TRIM66: variants seen among roughly 807,000 people sequenced by gnomAD.
The protein encoded by TRIM66 is tripartite motif-containing protein 66.
A neutral mutation model predicts 148.2 loss-of-function variants in TRIM66; 99 were observed. That is an observed-to-expected ratio of 0.67 (90% CI 0.57 to 0.79). The LOEUF (loss-of-function observed/expected upper bound fraction) is 0.79, where lower values mean the gene tolerates loss of function less well. TRIM66 is among the 30% of genes least tolerant of loss of function. TRIM66 has a pLI of 0.00. For missense variants in TRIM66, 1,666 were observed against 1,697.9 expected (o/e 0.98, Z 0.33); for synonymous variants, 616 against 635.9 (o/e 0.97, Z 0.47).
At chr11:8,675,290 C>T (rs1451336150) in intron 3 of TRIM66, among the ~76,000 whole-genome samples, 4 of 152,212 alleles carry the variant, frequency 2.6e-5, no homozygotes, top group African/African-American at 4.8e-5. Context: ...TTTGCTTGAA[C>T]GCTTGAATTT....
In TRIM66 at chr11:8,668,030, G is replaced by C. The variant is rs548290159; in HGVS notation, c.340+3756C>G. ...ACACTGTATTATATTCCCTCCAACA[G>C]TGCACAAATATTCCAATTTCTCTAC... is the stretch of plus-strand genomic sequence containing the variant. On this transcript the variant is annotated intron_variant, in intron 6 of 24. Coordinates refer to ENST00000646038, the MANE Select transcript of TRIM66 (RefSeq NM_001388022.1). 3.9e-5 allele frequency among the ~76,000 whole-genome samples: 6 copies of C among 152,298 alleles called. No individual in the cohort carries two copies. The South Asian group carries it at 8.3e-4, about 21-fold the overall frequency.
chr11:8,632,860 T>C (rs2035541297), intron 15 of TRIM66, among the ~76,000 whole-genome samples: 1 of 152,210 alleles, frequency 6.6e-6, no homozygotes, highest in African/African-American at 2.4e-5. Flanking sequence ...GCTGTCACTA[T>C]GGATGTAACT....
At chr11:8,632,276 C>G (rs921831288) in intron 15 of TRIM66, among the ~76,000 whole-genome samples, 6 of 151,928 alleles carry the variant, frequency 3.9e-5, no homozygotes, top group African/African-American at 1.4e-4. Flanking sequence ...CCACTGCACT[C>G]CAACCTGGGT....
intron 3 of TRIM66, chr11:8,677,993 G>C (rs561395353): frequency 6.6e-6 from 1 of 152,094 alleles, no homozygotes; most frequent in Non-Finnish European, 1.5e-5. Flanking sequence ...AAAAACTACC[G>C]ATAAAGGCAA....
intron 3 of TRIM66, among the ~76,000 whole-genome samples, chr11:8,677,352 C>A (rs985300496): frequency 6.6e-6 from 1 of 152,058 alleles, no homozygotes; most frequent in Non-Finnish European, 1.5e-5. Context: ...TGGCACCTAG[C>A]ATAGGAACAT....
intron 11 of TRIM66, 88 bp from the exon 12 acceptor site, chr11:8,645,975 C>T (rs1052396331): frequency 1.1e-5 from 15 of 1,321,370 alleles, no homozygotes; most frequent in Non-Finnish European, 1.5e-5. Context: ...GTGTGTGTCA[C>T]TGATGGAATC....
At chr11:8,682,700 G>A (rs2039502773), upstream of TRIM66, 12 of 1,277,820 alleles carry the variant, frequency 9.4e-6, no homozygotes, top group South Asian at 7.1e-5. Context: ...AGACCAGGAG[G>A]CCCCGCCCGA....
At position 8,616,260 on chromosome 11, in the gene TRIM66, T is replaced by A. The variant is rs1216545920; in HGVS notation, c.*1684A>T. 1 of 152,230 alleles carries A rather than the reference T, an allele frequency of 6.6e-6. No homozygotes were observed. Among genetic ancestry groups the A allele is most frequent in the African/African-American group, 2.4e-5 (1 of 41,452 alleles). 9.4% of individuals were successfully genotyped at this position (152,230 alleles called of 1,614,324 possible). ...TTAAAGTGAAGATGATCTCTCAGGT[T>A]GGGTAGAGAAGGAAATGAGCAATAC... On this transcript the variant is annotated 3_prime_UTR_variant, in exon 25 of 25. Transcript: ENST00000646038.
At position 8,621,663 on chromosome 11, in the gene TRIM66, G is replaced by A; in HGVS notation, c.3237C>T (p.Ser1079=). Residue 1079 remains serine (S), a synonymous_variant, in exon 19 of 25, where the codon TCC becomes TCT. Coordinates refer to ENST00000646038, the MANE Select transcript of TRIM66 (RefSeq NM_001388022.1). ...FLLIIECGTE[S]SSMSIKVSQD... Reference sequence around the variant, plus strand: ...GTGGTACCTTAATGGACATGCTGGAGGACTCAGTGCCACACTCGATGATCA... The same window carrying A: ...GTGGTACCTTAATGGACATGCTGGAAGACTCAGTGCCACACTCGATGATCA... 1 of 1,540,620 alleles carries A rather than the reference G, an allele frequency of 6.5e-7. No homozygotes were observed. Among genetic ancestry groups the A allele is most frequent in the South Asian group, 1.2e-5 (1 of 81,622 alleles).
chr11:8,682,404 C>CG, intron 1 of TRIM66, 197 bp downstream of exon 1: 1 of 238,210 alleles, frequency 4.2e-6, no homozygotes, highest in South Asian at 4.4e-5. Context: ...TGTGGAGGTG[C>CG]GCGGGGCGGC....
intron 15 of TRIM66, among the ~76,000 whole-genome samples, chr11:8,636,127 T>C (rs1428895871): frequency 1.3e-5 from 2 of 152,240 alleles, no homozygotes; most frequent in Admixed American, 6.5e-5. Context: ...CTGACATCCA[T>C]GGCTTCACCC....
intron 21 of TRIM66, 47 bp downstream of exon 21, chr11:8,620,399 G>T (rs1369520379): frequency 2.6e-6 from 4 of 1,548,966 alleles, no homozygotes; most frequent in African/African-American, 2.7e-5. Context: ...TAGGCAGAAG[G>T]GGGCTGCCAA....
At chr11:8,627,802 T>C (rs2034996098) in intron 15 of TRIM66, among the ~76,000 whole-genome samples, 1 of 152,200 alleles carries the variant, frequency 6.6e-6, no homozygotes, top group Non-Finnish European at 1.5e-5. Context: ...TGCACACAAA[T>C]CATGTGCATC....
At position 8,628,636 on chromosome 11, in the gene TRIM66, A is replaced by AAAAAAAAAAAAAAAAAAAAAAGAGAGAG. The variant is rs1555042270; in HGVS notation, c.2311-3409_2311-3408insCTCTCTCTTTTTTTTTTTTTTTTTTTTT. ...TCAAAAAAAAAAAAAAAAAAAAAAAAAGAGAGAGAATCCAGATCTTTGGTA... is the reference window on the plus strand; with the variant it reads ...TCAAAAAAAAAAAAAAAAAAAAAAAAAAAAAAAAAAAAAAAAAAAAAGAGAGAGAGAGAGAGAATCCAGATCTTTGGTA... On this transcript the variant is annotated intron_variant, in intron 15 of 24. Transcript: ENST00000646038. 2.8e-4 allele frequency among the ~76,000 whole-genome samples: 26 copies of AAAAAAAAAAAAAAAAAAAAAAGAGAGAG among 93,366 alleles called. 1 individual carries two copies. Among genetic ancestry groups the AAAAAAAAAAAAAAAAAAAAAAGAGAGAG allele is most frequent in the Non-Finnish European group, 4.4e-4 (19 of 42,968 alleles). 61.3% of individuals were successfully genotyped at this position (93,366 alleles called of 152,430 possible).
intron 15 of TRIM66, among the ~76,000 whole-genome samples, chr11:8,627,894 A>G (rs944365204): frequency 1.1e-4 from 16 of 152,340 alleles, no homozygotes; most frequent in Middle Eastern, 3.4e-3. Flanking sequence ...GCACAACCAC[A>G]GCTCACTGCA....
At chr11:8,618,382 C>A (rs1170935681) in intron 24 of TRIM66, among the ~76,000 whole-genome samples, 1 of 152,230 alleles carries the variant, frequency 6.6e-6, no homozygotes, top group African/African-American at 2.4e-5. Flanking sequence ...TCTCTCAAAC[C>A]CAAATAGAAA....
intron 13 of TRIM66, among the ~76,000 whole-genome samples, chr11:8,641,442 T>C (rs928322047): frequency 2.0e-5 from 3 of 152,128 alleles, no homozygotes; most frequent in African/African-American, 7.2e-5. Context: ...CTCTCTCAAA[T>C]AGCACCCACT....
chr11:8,657,945 C>T (rs533928692), intron 6 of TRIM66, among the ~76,000 whole-genome samples: 1 of 152,348 alleles, frequency 6.6e-6, no homozygotes, highest in South Asian at 2.1e-4. Flanking sequence ...GGAGAGAAGT[C>T]AGAGAAGCGA....
At chr11:8,679,868 G>A (rs1319588927) in intron 2 of TRIM66, 33 bp downstream of exon 2, 2 of 152,410 alleles carry the variant, frequency 1.3e-5, no homozygotes, top group Non-Finnish European at 2.9e-5. Flanking sequence ...GATCTGGAGA[G>A]AGAAGACTAA....
Sources: gnomAD v4.1 joint callset for allele counts (sites outside exome capture counted in the v4.1 genomes callset) on GRCh38, gnomAD v4.1.1 for gene constraint, MANE v1.5 for transcripts, NCBI Gene and HGNC (gene_info 2026-07-23, HGNC 2026-07-21) for gene names.